The following VPS54 variants were observed in gnomAD, a reference collection of about 807,000 sequenced individuals.
VPS54 encodes the protein vacuolar protein sorting-associated protein 54.
VPS54 carries 45 observed loss-of-function variants against 121.5 expected under a neutral mutation model. The ratio of observed to expected loss-of-function variants is 0.37; its 90% CI spans 0.29 to 0.47. The LOEUF is 0.47. Ranked by LOEUF, VPS54 falls within the 20% of genes least tolerant of loss-of-function variation. The pLI is 0.99. For missense variants in VPS54, 1,090 were observed against 1,131.4 expected, an observed-to-expected ratio of 0.96 and a Z score of 0.52; for synonymous variants, 371 against 385.8, an observed-to-expected ratio of 0.96 and a Z score of 0.45.
At chr2:63,902,722 A>C (rs918155446) in intron 20 of VPS54, among the ~76,000 whole-genome samples, 1 of 152,162 alleles carries the variant, frequency 6.6e-6, no homozygotes, top group Non-Finnish European at 1.5e-5. Flanking sequence ...TATTCCCACC[A>C]CTTTGGGAGG....
intron 15 of VPS54, among the ~76,000 whole-genome samples, chr2:63,919,373 G>C (rs1465355825): frequency 6.7e-6 from 1 of 149,378 alleles, no homozygotes; most frequent in Admixed American, 6.6e-5. Flanking sequence ...ATTAGACTTA[G>C]CCTCTTTAAA....
chr2:63,913,545 G>A (rs1011501621), intron 17 of VPS54, among the ~76,000 whole-genome samples: 3 of 151,958 alleles, frequency 2.0e-5, no homozygotes, highest in Non-Finnish European at 2.9e-5. Context: ...AAATCAGTTC[G>A]CAGAAATTAA....
intron 1 of VPS54, among the ~76,000 whole-genome samples, chr2:63,990,812 C>T (rs187437801): frequency 1.8e-4 from 28 of 152,282 alleles, no homozygotes; most frequent in East Asian, 1.9e-4. Context: ...ACAAATGTGT[C>T]GTTATGTACC....
chr2:63,928,712 G>A (rs772912473), intron 12 of VPS54, among the ~76,000 whole-genome samples: 1 of 151,912 alleles, frequency 6.6e-6, no homozygotes, highest in Non-Finnish European at 1.5e-5. Flanking sequence ...GACACAGACT[G>A]GCAAACTGGA....
chr2:63,909,826 G>C (rs1673066835), intron 20 of VPS54, among the ~76,000 whole-genome samples: 1 of 148,828 alleles, frequency 6.7e-6, no homozygotes, highest in African/African-American at 2.5e-5. Context: ...CTGAGTTCAA[G>C]CAACTCTCCT....
chr2:63,984,048 G>T (rs202135427), intron 1 of VPS54, 29 bp from the exon 2 acceptor site: 1 of 1,522,766 alleles, frequency 6.6e-7, no homozygotes, highest in East Asian at 2.3e-5. Context: ...TACTAATTAA[G>T]ACACCGCAAA....
Position 63,991,261 on chromosome 2 carries a change from C to T in VPS54, c.-20-7242G>A, listed in dbSNP as rs138990381. On this transcript the variant is annotated intron_variant, in intron 1 of 22. Coordinates refer to ENST00000272322, the MANE Select transcript of VPS54 (RefSeq NM_016516.3). ...ATACCCTGATTTTTTAGCTAAATTA[C>T]AAGATGCCATTGAAAAATCTGTCTG... 7.1e-3 allele frequency among the ~76,000 whole-genome samples: 1,086 copies of T among 152,320 alleles called. 6 individuals are homozygous for T. Among genetic ancestry groups the T allele is most frequent in the South Asian group, 0.021 (103 of 4,824 alleles).
intron 1 of VPS54, among the ~76,000 whole-genome samples, chr2:63,997,595 G>A (rs2104663429): frequency 6.6e-6 from 1 of 151,688 alleles, no homozygotes; most frequent in East Asian, 1.9e-4. Flanking sequence ...TCTTAGTCTG[G>A]CAAAAGATGT....
chr2:63,893,108 G>A lies in VPS54; in HGVS notation c.*322C>T. On this transcript the variant is annotated 3_prime_UTR_variant, in exon 23 of 23. Coordinates refer to ENST00000272322, the MANE Select transcript of VPS54 (RefSeq NM_016516.3). ...CATTTTTTAATATAAAGTATACAGA[G>A]CATTCTAGTCAACTACAGCTGTGTT... 1 of 377,094 alleles carries A rather than the reference G, an allele frequency of 2.7e-6. No individual in the cohort carries two copies. Among genetic ancestry groups the A allele is most frequent in the Non-Finnish European group, 5.0e-6 (1 of 199,944 alleles). 23.4% of individuals were successfully genotyped at this position (377,094 alleles called of 1,614,324 possible). A position where few individuals can be genotyped will look rare whatever the true frequency, so the allele number is the denominator to read the frequency against.
chr2:63,969,519 G>A (rs1676164589), intron 4 of VPS54, among the ~76,000 whole-genome samples: 1 of 152,168 alleles, frequency 6.6e-6, no homozygotes, highest in Non-Finnish European at 1.5e-5. Flanking sequence ...TCTAATGCCT[G>A]ATGATCTGTC....
intron 1 of VPS54, among the ~76,000 whole-genome samples, chr2:64,017,359 CA>C (rs896455512): frequency 7.6e-5 from 8 of 104,734 alleles, no homozygotes; most frequent in Admixed American, 2.9e-4. Context: ...AGAAAAGAAA[CA>C]AAAAAAAAGA....
At position 63,941,136 on chromosome 2, in the gene VPS54, T is replaced by G. The variant is rs1575936219; in HGVS notation, c.1398+1329A>C. ...AGTACATAAAACACAATGTTAACAC[T>G]TGATAACTCAAAAAATATCTAATTT... On this transcript the variant is annotated intron_variant, in intron 11 of 22. Transcript: ENST00000272322. 2.0e-5 allele frequency among the ~76,000 whole-genome samples: 3 copies of G among 152,386 alleles called. No homozygotes were observed. In the South Asian group the frequency reaches 6.2e-4, roughly 32 times the overall value.
At chr2:64,015,050 T>C (rs753825520) in intron 1 of VPS54, among the ~76,000 whole-genome samples, 11 of 152,040 alleles carry the variant, frequency 7.2e-5, no homozygotes, top group Non-Finnish European at 1.6e-4. Flanking sequence ...TACATACATA[T>C]ATAACATAAG....
chr2:63,972,063 A>G (rs937441387), intron 4 of VPS54, 103 bp downstream of exon 4: 19 of 617,126 alleles, frequency 3.1e-5, no homozygotes, highest in Admixed American at 4.0e-5. Flanking sequence ...TTTACTAGAA[A>G]TAAAAATTAT....
intron 22 of VPS54, among the ~76,000 whole-genome samples, chr2:63,894,051 A>G (rs966468652): frequency 9.9e-5 from 15 of 152,256 alleles, no homozygotes; most frequent in African/African-American, 3.4e-4. Flanking sequence ...CACAGATGAA[A>G]ACACCTGAAT....
intron 20 of VPS54, among the ~76,000 whole-genome samples, chr2:63,906,019 GAA>G: frequency 6.6e-6 from 1 of 152,142 alleles, no homozygotes. Context: ...AACTTGAACA[GAA>G]AGAATCTTCC....
At chr2:63,908,361 C>T (rs1197433190) in intron 20 of VPS54, among the ~76,000 whole-genome samples, 1 of 152,060 alleles carries the variant, frequency 6.6e-6, no homozygotes, top group Non-Finnish European at 1.5e-5. Context: ...CTGGAAAAGG[C>T]AAAACTACAT....
At chr2:64,013,128 T>C (rs190429325) in intron 1 of VPS54, among the ~76,000 whole-genome samples, 1 of 152,192 alleles carries the variant, frequency 6.6e-6, no homozygotes, top group Admixed American at 6.5e-5. Flanking sequence ...TATTAAACAG[T>C]AGAGAGATCT....
At chr2:64,013,698 T>G (rs1678552079) in intron 1 of VPS54, among the ~76,000 whole-genome samples, 1 of 146,770 alleles carries the variant, frequency 6.8e-6, no homozygotes, top group Non-Finnish European at 1.5e-5. Context: ...ATCACATATA[T>G]AGAGATATAT....
Sources: allele counts gnomAD v4.1 joint callset (sites outside exome capture counted in the v4.1 genomes callset), GRCh38; gene constraint gnomAD v4.1.1; transcripts MANE v1.5; gene names NCBI Gene and HGNC (gene_info 2026-07-23, HGNC 2026-07-21).